Variants in PTPDC1 observed in about 807,000 individuals in gnomAD.
PTPDC1 encodes protein tyrosine phosphatase domain containing 1, also known as protein tyrosine phosphatase domain-containing protein 1.
In PTPDC1, 53 loss-of-function variants were observed where a neutral mutation model predicts 75.3. The ratio of observed to expected loss-of-function variants is 0.70; its 90% CI spans 0.56 to 0.88. The LOEUF (loss-of-function observed/expected upper bound fraction) is 0.88, where lower values mean the gene tolerates loss of function less well. Among genes scored for constraint, PTPDC1 ranks in the 40% least tolerant of loss-of-function variants. The pLI is 0.00. For synonymous variants in PTPDC1, 349 were observed against 366.2 expected (o/e 0.95, Z 0.54); for missense variants, 925 against 998.6 (o/e 0.93, Z 0.99).
At chr9:94,064,852 T>G in intron 2 of PTPDC1, 1 of 1,518,994 alleles carries the variant, frequency 6.6e-7, no homozygotes, top group Non-Finnish European at 9.1e-7. Context: ...TTTTTGTCTC[T>G]CTGTGCAAGC....
chr9:94,075,133 G>GA (rs545439379), intron 2 of PTPDC1, among the ~76,000 whole-genome samples: 148 of 128,410 alleles, frequency 1.2e-3, no homozygotes, highest in African/African-American at 5.8e-3. Flanking sequence ...ATCTGATGGG[G>GA]GGAATCATCT....
Position 94,109,092 on chromosome 9 carries a change from C to G in PTPDC1, c.*1148C>G, listed in dbSNP as rs1179866410. The G allele has an allele frequency of 2.0e-5, 3 of 152,062 alleles. No individual in the cohort carries two copies. Among genetic ancestry groups the G allele is most frequent in the African/African-American group, 7.2e-5 (3 of 41,412 alleles). 9.4% of individuals were successfully genotyped at this position (152,062 alleles called of 1,614,324 possible). ...AGTTGACCATACAGGTTGCATTAGC[C>G]CTAACTGGCTTCATGTAAGAAGGGT... On this transcript the variant is annotated 3_prime_UTR_variant, in exon 9 of 9. Coordinates refer to ENST00000620992, the MANE Select transcript of PTPDC1 (RefSeq NM_001253829.2).
chr9:94,052,958 A>C (rs979534125), intron 1 of PTPDC1, among the ~76,000 whole-genome samples: 1 of 152,220 alleles, frequency 6.6e-6, no homozygotes, highest in Non-Finnish European at 1.5e-5. Context: ...GCTTGTGGGA[A>C]AAAGGATGGG....
intron 2 of PTPDC1, among the ~76,000 whole-genome samples, chr9:94,070,823 G>C (rs370115933): frequency 6.6e-6 from 1 of 152,186 alleles, no homozygotes; most frequent in African/African-American, 2.4e-5. Flanking sequence ...GTTTCATCCA[G>C]GTTGTTGTGT....
intron 2 of PTPDC1, among the ~76,000 whole-genome samples, chr9:94,065,554 A>G (rs1412485806): frequency 6.6e-6 from 1 of 152,218 alleles, no homozygotes; most frequent in Non-Finnish European, 1.5e-5. Flanking sequence ...GGGTCTAACT[A>G]AAGGTATTGA....
chr9:94,046,502 G>A (rs1825604441), intron 1 of PTPDC1, among the ~76,000 whole-genome samples: 1 of 152,142 alleles, frequency 6.6e-6, no homozygotes, highest in African/African-American at 2.4e-5. Context: ...CCATTTGTTT[G>A]TATCCTCTTT....
At chr9:94,074,390 G>A (rs1274754394) in intron 2 of PTPDC1, among the ~76,000 whole-genome samples, 2 of 152,132 alleles carry the variant, frequency 1.3e-5, no homozygotes, top group South Asian at 2.1e-4. Flanking sequence ...GAGTCGGGGG[G>A]ATAAGATCAG....
intron 1 of PTPDC1, among the ~76,000 whole-genome samples, chr9:94,033,647 A>G (rs1829769050): frequency 6.6e-6 from 1 of 152,226 alleles, no homozygotes; most frequent in Admixed American, 6.5e-5. Context: ...GCCCTAGTAG[A>G]GTGCTAAGCA....
chr9:94,048,167 A>G (rs945747155), intron 1 of PTPDC1, among the ~76,000 whole-genome samples: 12 of 152,118 alleles, frequency 7.9e-5, no homozygotes. Flanking sequence ...TCCTGCATTC[A>G]TTGATTTTTT....
rs752526834 is a variant in PTPDC1, at chr9:94,084,666, G to C, written c.136G>C (p.Gly46Arg). Residue 46 changes from glycine to arginine, a missense_variant, in exon 1 of 9, where the codon GGC becomes CGC. Gly to Arg is a moderately radical substitution (Grantham distance 125). Coordinates refer to ENST00000620992, the MANE Select transcript of PTPDC1 (RefSeq NM_001253829.2). ...QARRGSGLGSGSATKLLSSSS... is the reference protein window; with the variant it reads ...QARRGSGLGSRSATKLLSSSS... ...CCGGCGGGGCTCTGGCTTGGGCTCC[G>C]GCTCTGCCACGAAGCTGCTGTCCTC... 4 of 1,613,640 alleles carry C rather than the reference G, an allele frequency of 2.5e-6. No individual in the cohort carries two copies. Among genetic ancestry groups the C allele is most frequent in the South Asian group, 1.1e-5 (1 of 91,060 alleles).
intron 1 of PTPDC1, among the ~76,000 whole-genome samples, chr9:94,040,150 C>T (rs1825387720): frequency 6.6e-6 from 1 of 152,150 alleles, no homozygotes; most frequent in Non-Finnish European, 1.5e-5. Flanking sequence ...CATGCCAGCT[C>T]AGGTAAACTG....
In PTPDC1 at chr9:94,068,071, AT is replaced by A. The variant is rs574495925; in HGVS notation, c.82+3258del. ...GTAGATAGATGTAGAGTCTAGTCAG[AT>A]TTTTTTTAATTAACAAGACTGTTTC... On this transcript the variant is annotated intron_variant, in intron 2 of 9. Transcript: ENST00000375360. 3.1e-3 allele frequency among the ~76,000 whole-genome samples: 464 copies of A among 152,096 alleles called. 21 individuals carry two copies. In the South Asian group the frequency reaches 0.092, roughly 30 times the overall value.
At chr9:94,039,331 A>G (rs935135209) in intron 1 of PTPDC1, among the ~76,000 whole-genome samples, 1 of 152,192 alleles carries the variant, frequency 6.6e-6, no homozygotes, top group Non-Finnish European at 1.5e-5. Context: ...CACAGATTAA[A>G]TAAATATATA....
At chr9:94,091,620 C>T (rs1306232478) in intron 4 of PTPDC1, among the ~76,000 whole-genome samples, 1 of 152,148 alleles carries the variant, frequency 6.6e-6, no homozygotes, top group African/African-American at 2.4e-5. Flanking sequence ...GGAGGATTCC[C>T]TCTTTTTCTG....
In PTPDC1 at chr9:94,097,336, G is replaced by A; in HGVS notation, c.770G>A (p.Cys257Tyr). The change falls in exon 6 of 9, where the codon TGT becomes TAT. Residue 257 changes from cysteine (C) to tyrosine (Y), a missense_variant. Cys to Tyr is a radical substitution (Grantham distance 194). Coordinates refer to ENST00000620992, the MANE Select transcript of PTPDC1 (RefSeq NM_001253829.2). ...GLGRTGVLIA[C>Y]YLVFATRMTA... ...CACTGTTTAGGTGTTTTAATAGCCT[G>A]TTACTTAGTTTTTGCAACGAGAATG... The A allele has an allele frequency of 6.2e-7, 1 of 1,607,534 alleles. No homozygotes were observed. The highest frequency in any genetic ancestry group is 8.5e-7 in the Non-Finnish European group (1 of 1,175,810).
intron 1 of PTPDC1, among the ~76,000 whole-genome samples, chr9:94,040,032 C>G (rs1042137685): frequency 6.6e-6 from 1 of 152,082 alleles, no homozygotes; most frequent in African/African-American, 2.4e-5. Context: ...AAAGGAGGTA[C>G]TTATAAGTAG....
chr9:94,040,533 G>A (rs1233452899), intron 1 of PTPDC1, among the ~76,000 whole-genome samples: 1 of 151,824 alleles, frequency 6.6e-6, no homozygotes, highest in Non-Finnish European at 1.5e-5. Flanking sequence ...AAAGGTATTA[G>A]TAAAAACTAA....
chr9:94,046,714 G>A (rs1477976313), intron 1 of PTPDC1, among the ~76,000 whole-genome samples: 4 of 152,202 alleles, frequency 2.6e-5, no homozygotes, highest in African/African-American at 9.7e-5. Flanking sequence ...AGACTTTGCT[G>A]AAGTTGCCTG....
Position 94,108,242 on chromosome 9 carries a change from C to G in PTPDC1, c.*298C>G, listed in dbSNP as rs1043217604. On this transcript the variant is annotated 3_prime_UTR_variant, in exon 9 of 9. Transcript: ENST00000620992. ...GTATATGGTGTTTACATTCTTATTTCTTTTGACATTTTGGAAATAATCATA... is the reference window on the plus strand; with the variant it reads ...GTATATGGTGTTTACATTCTTATTTGTTTTGACATTTTGGAAATAATCATA... 47 of 175,786 alleles carry G rather than the reference C, an allele frequency of 2.7e-4. No individual in the cohort carries two copies. The highest frequency in any genetic ancestry group is 1.4e-3 in the Admixed American group (23 of 16,062). The allele number at this position is 175,786 out of a possible 1,614,324, so 10.9% of individuals were successfully genotyped here.
Sources: gnomAD v4.1 joint callset for allele counts (sites outside exome capture counted in the v4.1 genomes callset) on GRCh38, gnomAD v4.1.1 for gene constraint, MANE v1.5 for transcripts, NCBI Gene and HGNC (gene_info 2026-07-23, HGNC 2026-07-21) for gene names.